Variants in SEPTIN6 observed in about 807,000 individuals in gnomAD.
The protein encoded by SEPTIN6 is septin-6.
A neutral mutation model predicts 33.6 loss-of-function variants in SEPTIN6; 8 were observed. The observed-to-expected ratio is 0.24, with a 90% confidence interval of 0.14 to 0.43. SEPTIN6 has a LOEUF of 0.43. Among genes scored for constraint, SEPTIN6 ranks in the 20% least tolerant of loss-of-function variants. The pLI is 1.00. For missense variants in SEPTIN6, 250 were observed against 340.8 expected (o/e 0.73, Z 2.10); for synonymous variants, 131 against 140.0 (o/e 0.94, Z 0.45).
intron 1 of SEPTIN6, among the ~76,000 whole-genome samples, chrX:119,687,416 A>C (rs2055077502): frequency 9.1e-6 from 1 of 109,696 alleles, no homozygotes; most frequent in Non-Finnish European, 1.9e-5. Context: ...ACGCCCGGCT[A>C]ATTTTTTAAT....
intron 8 of SEPTIN6, among the ~76,000 whole-genome samples, chrX:119,632,201 A>AT (rs1394113521): frequency 4.4e-4 from 44 of 100,464 alleles, no homozygotes; most frequent in African/African-American, 6.8e-4. Flanking sequence ...CCTGTCTGAC[A>AT]TTTTTTTTTT....
intron 4 of SEPTIN6, among the ~76,000 whole-genome samples, chrX:119,652,052 T>G (rs909462217): frequency 4.5e-5 from 5 of 111,868 alleles, no homozygotes; most frequent in African/African-American, 1.3e-4. Context: ...GCCTCCCCAA[T>G]AGCTGGGATT....
intron 1 of SEPTIN6, among the ~76,000 whole-genome samples, chrX:119,686,843 A>G (rs1222106718): frequency 8.9e-6 from 1 of 111,980 alleles, no homozygotes; most frequent in Non-Finnish European, 1.9e-5. Flanking sequence ...AATCTTTTTA[A>G]TATCAGAGAG....
intron 3 of SEPTIN6, among the ~76,000 whole-genome samples, chrX:119,657,999 C>T (rs907111189): frequency 9.0e-5 from 10 of 110,898 alleles, no homozygotes; most frequent in Admixed American, 3.8e-4. Flanking sequence ...TGGTGGTGGG[C>T]GCCTGTAGTC....
At chrX:119,624,144 GTT>G (rs11338110) in intron 10 of SEPTIN6, 2,229 of 200,871 alleles carry the variant, frequency 0.011, 2 homozygotes, top group East Asian at 0.022. Flanking sequence ...TTTATTATGG[GTT>G]TTTTTTTTTT....
At chrX:119,684,173 G>A (rs1430781346) in intron 1 of SEPTIN6, among the ~76,000 whole-genome samples, 3 of 111,222 alleles carry the variant, frequency 2.7e-5, no homozygotes, top group African/African-American at 9.8e-5. Flanking sequence ...TAGAACTCCT[G>A]ACTTCAGGTG....
chrX:119,623,936 T>C (rs1433646074), intron 10 of SEPTIN6: 2 of 171,710 alleles, frequency 1.2e-5, no homozygotes, highest in Non-Finnish European at 2.4e-5. Flanking sequence ...GTAGAGGAGA[T>C]AGAAGGTCCT....
chrX:119,623,863 A>T (rs1488266468), intron 10 of SEPTIN6, among the ~76,000 whole-genome samples: 1 of 111,813 alleles, frequency 8.9e-6, no homozygotes, highest in African/African-American at 3.2e-5. Context: ...ACAAACAAAA[A>T]AAACCCTAAT....
At chrX:119,640,563 T>C (rs2054142428) in intron 6 of SEPTIN6, 129 bp downstream of exon 6, 1 of 519,275 alleles carries the variant, frequency 1.9e-6, no homozygotes. Flanking sequence ...CCTATGGCTA[T>C]TTGGGACCCA....
In SEPTIN6 at chrX:119,617,700, G is replaced by A. The variant is rs2053687651; in HGVS notation, c.*2393C>T. 2.5e-6 allele frequency: 2 copies of A among 797,987 alleles called. No homozygotes were observed. The highest frequency in any genetic ancestry group is 6.6e-5 in the South Asian group (1 of 15,077). 65.8% of individuals were successfully genotyped at this position (797,987 alleles called of 1,213,427 possible). A position where few individuals can be genotyped will look rare whatever the true frequency, so the allele number is the denominator to read the frequency against. ...TTGTGAAACTGATTGGGAGTCAGGAGGCATGAAAATTAGTCTGGCTTCTGC... is the reference window on the plus strand; with the variant it reads ...TTGTGAAACTGATTGGGAGTCAGGAAGCATGAAAATTAGTCTGGCTTCTGC... On this transcript the variant is annotated 3_prime_UTR_variant, in exon 11 of 11. Coordinates refer to ENST00000394610, the MANE Select transcript of SEPTIN6 (RefSeq NM_145799.4).
chrX:119,657,230 A>C (rs1338521155), intron 3 of SEPTIN6, among the ~76,000 whole-genome samples: 3 of 109,430 alleles, frequency 2.7e-5, no homozygotes, highest in African/African-American at 1.0e-4. Context: ...AAAAAAAAAA[A>C]AACAAAACAA....
At chrX:119,686,488 G>T in intron 1 of SEPTIN6, 1 of 560,242 alleles carries the variant, frequency 1.8e-6, no homozygotes, top group Non-Finnish European at 2.6e-6. Context: ...GGCTGAGAGC[G>T]CGCTGCATAA....
chrX:119,647,902 C>G (rs1299346179), intron 5 of SEPTIN6, among the ~76,000 whole-genome samples: 1 of 107,951 alleles, frequency 9.3e-6, no homozygotes, highest in Non-Finnish European at 1.9e-5. Flanking sequence ...ATCCACCTGC[C>G]TTGGCCCCCG....
chrX:119,667,255 C>T (rs926011434), intron 2 of SEPTIN6, among the ~76,000 whole-genome samples: 2 of 109,030 alleles, frequency 1.8e-5, no homozygotes, highest in Admixed American at 9.8e-5. Flanking sequence ...TCTTCCAGTA[C>T]CCCCGAGAGT....
chrX:119,645,392 C>T (rs917930631), intron 5 of SEPTIN6, among the ~76,000 whole-genome samples: 3 of 101,783 alleles, frequency 2.9e-5, no homozygotes, highest in Admixed American at 2.1e-4. Flanking sequence ...GTGTGTGGCA[C>T]CATGCCCAGC....
intron 4 of SEPTIN6, among the ~76,000 whole-genome samples, chrX:119,651,947 C>A (rs147885105): frequency 8.9e-6 from 1 of 111,926 alleles, no homozygotes; most frequent in Non-Finnish European, 1.9e-5. Context: ...TTTTTTGATA[C>A]GGAGTCTGGC....
At chrX:119,646,149 G>T (rs899533686) in intron 5 of SEPTIN6, among the ~76,000 whole-genome samples, 2 of 111,452 alleles carry the variant, frequency 1.8e-5, no homozygotes, top group Non-Finnish European at 3.8e-5. Flanking sequence ...CCCCATTTCA[G>T]GCCCCTGCTG....
At chrX:119,647,988 G>A (rs768092655) in intron 5 of SEPTIN6, among the ~76,000 whole-genome samples, 4 of 92,013 alleles carry the variant, frequency 4.3e-5, no homozygotes, top group Non-Finnish European at 8.7e-5. Context: ...GTAGAGATGA[G>A]GTCTCACTAT....
chrX:119,678,765 A>T (rs751170280), intron 1 of SEPTIN6, among the ~76,000 whole-genome samples: 19 of 110,320 alleles, frequency 1.7e-4, no homozygotes, highest in African/African-American at 5.9e-4. Context: ...TCGGAAATTG[A>T]GGTGGACTCA....
Sources: gnomAD v4.1 joint callset for allele counts (sites outside exome capture counted in the v4.1 genomes callset) on GRCh38, gnomAD v4.1.1 for gene constraint, MANE v1.5 for transcripts, NCBI Gene and HGNC (gene_info 2026-07-23, HGNC 2026-07-21) for gene names.